SLC24A2: variants seen among roughly 807,000 people sequenced by gnomAD.
The protein encoded by SLC24A2 is solute carrier family 24 member 2.
SLC24A2 carries 36 observed loss-of-function variants against 62.0 expected under a neutral mutation model. The observed-to-expected ratio is 0.58, with a 90% CI of 0.44 to 0.77. SLC24A2 has a LOEUF of 0.77. SLC24A2 is among the 30% of genes least tolerant of loss of function. SLC24A2 has a pLI of 0.00. For synonymous variants in SLC24A2, 358 were observed against 294.0 expected (o/e 1.22, Z -2.23); for missense variants, 846 against 817.9 (o/e 1.03, Z -0.42).
At chr9:19,531,152 T>C (rs1451552259) in intron 8 of SLC24A2, among the ~76,000 whole-genome samples, 1 of 152,238 alleles carries the variant, frequency 6.6e-6, no homozygotes, top group Non-Finnish European at 1.5e-5. Flanking sequence ...TATCAACGTT[T>C]CATTCATCAG....
chr9:19,515,927 C>A lies in SLC24A2; in HGVS notation c.*226G>T. On this transcript the variant is annotated 3_prime_UTR_variant, in exon 11 of 11. Coordinates refer to ENST00000341998, the MANE Select transcript of SLC24A2 (RefSeq NM_020344.4). ...TGAATAGGGAGAAGCCCTGTATTGA[C>A]GGTTCTCTTTGTCTTTTACATGAAG... 3.5e-6 allele frequency: 2 copies of A among 565,202 alleles called. No individual in the cohort carries two copies. Among genetic ancestry groups the A allele is most frequent in the Non-Finnish European group, 6.3e-6 (2 of 315,222 alleles). The allele number at this position is 565,202 out of a possible 1,614,324, so 35.0% of individuals were successfully genotyped here.
intron 2 of SLC24A2, among the ~76,000 whole-genome samples, chr9:19,712,907 A>G (rs1421817416): frequency 6.6e-6 from 1 of 152,096 alleles, no homozygotes; most frequent in Non-Finnish European, 1.5e-5. Flanking sequence ...TGACAATTAA[A>G]AACTTCTCCA....
chr9:20,243,835 G>C, the SLC24A2 span, among the ~76,000 whole-genome samples: 1 of 152,146 alleles, frequency 6.6e-6, no homozygotes, highest in Non-Finnish European at 1.5e-5. Context: ...GGCAGGCTCT[G>C]GCTTGGCTCC....
the SLC24A2 span, among the ~76,000 whole-genome samples, chr9:19,853,343 T>C: frequency 6.6e-6 from 1 of 152,172 alleles, no homozygotes; most frequent in Non-Finnish European, 1.5e-5. Context: ...TCCAATACTA[T>C]GTTGAATAGG....
chr9:19,741,602 G>C (rs1821681073), intron 2 of SLC24A2, among the ~76,000 whole-genome samples: 1 of 152,128 alleles, frequency 6.6e-6, no homozygotes, highest in African/African-American at 2.4e-5. Context: ...CTACCTCCCT[G>C]GGACCTGAAA....
At chr9:19,917,719 C>T in the SLC24A2 span, among the ~76,000 whole-genome samples, 1 of 152,014 alleles carries the variant, frequency 6.6e-6, no homozygotes, top group Non-Finnish European at 1.5e-5. Flanking sequence ...GTATTTTTGT[C>T]TCATATCTAT....
At chr9:19,733,736 C>T (rs1393372489) in intron 2 of SLC24A2, among the ~76,000 whole-genome samples, 6 of 152,162 alleles carry the variant, frequency 3.9e-5, no homozygotes, top group Non-Finnish European at 5.9e-5. Flanking sequence ...TTTTCTCATT[C>T]TTAAGACTCA....
At chr9:19,530,436 A>C (rs1420715410) in intron 8 of SLC24A2, among the ~76,000 whole-genome samples, 3 of 152,168 alleles carry the variant, frequency 2.0e-5, no homozygotes, top group African/African-American at 4.8e-5. Flanking sequence ...CATTTCATAG[A>C]TTGCTCGTTT....
the SLC24A2 span, among the ~76,000 whole-genome samples, chr9:20,201,112 C>A: frequency 6.6e-6 from 1 of 152,176 alleles, no homozygotes; most frequent in Non-Finnish European, 1.5e-5. Flanking sequence ...GAGTGGGACA[C>A]AGAGCTGGAA....
chr9:20,061,108 A>G, the SLC24A2 span, among the ~76,000 whole-genome samples: 5 of 152,292 alleles, frequency 3.3e-5, no homozygotes, highest in Non-Finnish European at 5.9e-5. Flanking sequence ...AATTGACAAG[A>G]TAATTTTAAT....
At chr9:19,825,549 G>A in the SLC24A2 span, among the ~76,000 whole-genome samples, 2 of 152,076 alleles carry the variant, frequency 1.3e-5, no homozygotes, top group African/African-American at 4.8e-5. Context: ...TCTACTCTGG[G>A]GAAGTAGACA....
intron 8 of SLC24A2, among the ~76,000 whole-genome samples, chr9:19,546,329 G>T (rs1834566235): frequency 6.6e-6 from 1 of 152,208 alleles, no homozygotes; most frequent in Non-Finnish European, 1.5e-5. Flanking sequence ...CAGGGAGATG[G>T]GGGTTTTATC....
chr9:19,840,129 T>A, the SLC24A2 span, among the ~76,000 whole-genome samples: 1 of 152,306 alleles, frequency 6.6e-6, no homozygotes, highest in East Asian at 1.9e-4. Context: ...TAAAGGAGAA[T>A]TGAATTTGTG....
Position 19,710,057 on chromosome 9 carries a change from C to A in SLC24A2, c.930+75880G>T, listed in dbSNP as rs1201902261. 2.0e-5 allele frequency among the ~76,000 whole-genome samples: 3 copies of A among 152,118 alleles called. No individual in the cohort carries two copies. The South Asian group carries it at 6.2e-4, about 32-fold the overall frequency. The stretch of plus-strand genomic sequence containing the variant: ...CCCCTTTTCACTCACCAGATTTCCT[C>A]CTCCCTAATCCTCCTGTGGAAGGAT... On this transcript the variant is annotated intron_variant, in intron 2 of 10. Transcript: ENST00000341998.
At chr9:19,565,338 C>A in intron 7 of SLC24A2, among the ~76,000 whole-genome samples, 1 of 145,602 alleles carries the variant, frequency 6.9e-6, no homozygotes, top group African/African-American at 2.6e-5. Context: ...AACAGAGAGC[C>A]AAATCATGAG....
the SLC24A2 span, among the ~76,000 whole-genome samples, chr9:20,118,183 G>T: frequency 2.8e-5 from 4 of 142,854 alleles, no homozygotes; most frequent in Non-Finnish European, 3.1e-5. Context: ...GGTGAGAATC[G>T]AAAGAAAAAA....
chr9:19,665,128 G>A (rs1372183328), intron 2 of SLC24A2, among the ~76,000 whole-genome samples: 1 of 152,178 alleles, frequency 6.6e-6, no homozygotes, highest in Non-Finnish European at 1.5e-5. Context: ...TGCTCTTGAG[G>A]AAAGCCGGTG....
At chr9:19,798,502 T>A in the SLC24A2 span, among the ~76,000 whole-genome samples, 4 of 152,126 alleles carry the variant, frequency 2.6e-5, no homozygotes, top group Non-Finnish European at 5.9e-5. Flanking sequence ...TACCAAGTCA[T>A]TTTTACAAAG....
At chr9:20,284,085 A>C in the SLC24A2 span, among the ~76,000 whole-genome samples, 1 of 152,136 alleles carries the variant, frequency 6.6e-6, no homozygotes, top group African/African-American at 2.4e-5. Context: ...TATCATTTCT[A>C]TAGAGGCAAT....
Sources: gnomAD v4.1 joint callset for allele counts (sites outside exome capture counted in the v4.1 genomes callset) on GRCh38, gnomAD v4.1.1 for gene constraint, MANE v1.5 for transcripts, NCBI Gene and HGNC (gene_info 2026-07-23, HGNC 2026-07-21) for gene names.